The following ZNF385D variants were observed in gnomAD, a reference collection of about 807,000 sequenced individuals.
The protein encoded by ZNF385D is zinc finger protein 385D.
In ZNF385D, 15 loss-of-function variants were observed where a neutral mutation model predicts 35.8. The ratio of observed to expected loss-of-function variants is 0.42; its 90% CI spans 0.28 to 0.64. ZNF385D has a LOEUF of 0.64. Among genes scored for constraint, ZNF385D ranks in the 30% least tolerant of loss-of-function variants. The probability of loss-of-function intolerance (pLI) is 0.23; values close to 1 mark genes in which losing one functional copy is unlikely to be tolerated. For synonymous variants in ZNF385D, 212 were observed against 186.8 expected (o/e 1.13, Z -1.10); for missense variants, 474 against 494.6 (o/e 0.96, Z 0.39).
intron 3 of ZNF385D, among the ~76,000 whole-genome samples, chr3:22,078,248 G>C (rs1355470059): frequency 6.6e-6 from 1 of 151,944 alleles, no homozygotes; most frequent in African/African-American, 2.4e-5. Context: ...AAATGATTTG[G>C]TTGTTTGGTG....
At chr3:21,831,559 T>G (rs1297834688) in intron 3 of ZNF385D, among the ~76,000 whole-genome samples, 1 of 152,202 alleles carries the variant, frequency 6.6e-6, no homozygotes, top group Non-Finnish European at 1.5e-5. Flanking sequence ...CCATACCACT[T>G]AGCTTCTCAT....
At chr3:21,711,801 T>A (rs140397951) in intron 1 of ZNF385D, among the ~76,000 whole-genome samples, 1 of 152,212 alleles carries the variant, frequency 6.6e-6, no homozygotes, top group Non-Finnish European at 1.5e-5. Context: ...AATTCTGAGA[T>A]ATAGTGAGCT....
chr3:21,420,962 A>G lies in ZNF385D; in HGVS notation c.*252T>C, dbSNP rs1575112995. ...TTCAGAAGGTCTAGATACCACTACA[A>G]ATCAATGCTGGAGATCACTTCTAAA... On this transcript the variant is annotated 3_prime_UTR_variant, in exon 8 of 8. Transcript: ENST00000281523. The G allele has an allele frequency of 2.1e-6, 1 of 471,898 alleles. No individual in the cohort carries two copies. The highest frequency in any genetic ancestry group is 3.8e-5 in the East Asian group (1 of 26,166). 29.2% of individuals were successfully genotyped at this position (471,898 alleles called of 1,614,324 possible).
At chr3:21,530,294 A>G (rs569574930) in intron 3 of ZNF385D, among the ~76,000 whole-genome samples, 16 of 152,340 alleles carry the variant, frequency 1.1e-4, no homozygotes, top group Admixed American at 3.3e-4. Flanking sequence ...ACAGCAATGC[A>G]AAATGGAGTA....
At chr3:22,110,416 A>C (rs1457951259) in intron 3 of ZNF385D, among the ~76,000 whole-genome samples, 1 of 152,142 alleles carries the variant, frequency 6.6e-6, no homozygotes. Context: ...AGACTGGATT[A>C]AGAAAATGTG....
chr3:21,742,582 G>C (rs6790933), intron 1 of ZNF385D, among the ~76,000 whole-genome samples: 73,025 of 151,700 alleles, frequency 0.48, 17,876 homozygotes, highest in Admixed American at 0.6. Flanking sequence ...GCGGCAGAAG[G>C]CAATGGATTG....
chr3:21,827,781 A>G (rs932841927), intron 3 of ZNF385D, among the ~76,000 whole-genome samples: 2 of 152,226 alleles, frequency 1.3e-5, no homozygotes, highest in East Asian at 3.8e-4. Flanking sequence ...AATGTGCGTG[A>G]CATTTGGTTC....
chr3:21,967,259 T>C (rs1702965241), intron 3 of ZNF385D, among the ~76,000 whole-genome samples: 1 of 152,178 alleles, frequency 6.6e-6, no homozygotes, highest in African/African-American at 2.4e-5. Flanking sequence ...TCTTTTCTCG[T>C]CAAATTTCTT....
intron 3 of ZNF385D, among the ~76,000 whole-genome samples, chr3:22,125,744 C>T (rs1334272520): frequency 2.6e-5 from 4 of 152,062 alleles, no homozygotes; most frequent in Admixed American, 1.3e-4. Context: ...TATAGAAATG[C>T]TAATGATTTT....
chr3:21,846,347 A>G (rs946653098), intron 3 of ZNF385D, among the ~76,000 whole-genome samples: 2 of 152,024 alleles, frequency 1.3e-5, no homozygotes, highest in African/African-American at 2.4e-5. Flanking sequence ...TAATTACTCA[A>G]AAGTTCCTTA....
chr3:22,274,248 G>A (rs1701317021), intron 2 of ZNF385D, among the ~76,000 whole-genome samples: 1 of 151,822 alleles, frequency 6.6e-6, no homozygotes, highest in Admixed American at 6.6e-5. Context: ...TACTACTTTT[G>A]TCTACCTAGA....
intron 3 of ZNF385D, among the ~76,000 whole-genome samples, chr3:22,114,383 C>T (rs768691918): frequency 3.9e-5 from 6 of 152,094 alleles, no homozygotes; most frequent in Admixed American, 6.6e-5. Context: ...CTCCCATCTA[C>T]CTATCCATTT....
At position 21,956,687 on chromosome 3, in the gene ZNF385D, C is replaced by T. The variant is rs571088177; in HGVS notation, c.325+212130G>A. 9.9e-5 allele frequency among the ~76,000 whole-genome samples: 15 copies of T among 150,982 alleles called. No homozygotes were observed. In the East Asian group the frequency reaches 2.5e-3, roughly 25 times the overall value. ...ATGGTAAAAAGTGATAAATGATTTT[C>T]GTCATTGGAGTAAGTGTTATGGCTA... is the stretch of plus-strand genomic sequence containing the variant. On this transcript the variant is annotated intron_variant, in intron 3 of 5. Coordinates refer to the ZNF385D transcript ENST00000494108.
intron 3 of ZNF385D, among the ~76,000 whole-genome samples, chr3:21,911,747 G>A (rs772092863): frequency 3.3e-5 from 5 of 151,892 alleles, no homozygotes; most frequent in South Asian, 2.1e-4. Context: ...TAAAGTGAGA[G>A]AGATATTAGG....
chr3:21,511,834 T>C, intron 3 of ZNF385D: 1 of 455,210 alleles, frequency 2.2e-6, no homozygotes, highest in South Asian at 1.6e-5. Context: ...TTTTTTTTTT[T>C]TGTGGGGGAG....
chr3:22,236,782 T>A (rs1699208162), intron 2 of ZNF385D, among the ~76,000 whole-genome samples: 1 of 152,204 alleles, frequency 6.6e-6, no homozygotes. Flanking sequence ...ATGCTGGGCA[T>A]TTTATATAAA....
chr3:22,048,645 T>C (rs1375317713), intron 3 of ZNF385D, among the ~76,000 whole-genome samples: 1 of 152,208 alleles, frequency 6.6e-6, no homozygotes, highest in Non-Finnish European at 1.5e-5. Context: ...TTGATTATTA[T>C]AGTTTTGCAG....
intron 3 of ZNF385D, among the ~76,000 whole-genome samples, chr3:22,075,980 A>T (rs897308230): frequency 4.6e-5 from 7 of 151,950 alleles, no homozygotes; most frequent in African/African-American, 1.7e-4. Context: ...TGCCCAAAAG[A>T]CAGCAAGTCC....
At position 21,987,302 on chromosome 3, in the gene ZNF385D, G is replaced by A. The variant is rs1224234829; in HGVS notation, c.325+181515C>T. Among the ~76,000 whole-genome samples the A allele has an allele frequency of 1.5e-5, 2 of 135,510 alleles. 1 individual carries two copies. The highest frequency in any genetic ancestry group is 6.5e-5 in the African/African-American group (2 of 30,590). 88.9% of individuals were successfully genotyped at this position (135,510 alleles called of 152,430 possible). On this transcript the variant is annotated intron_variant, in intron 3 of 5. Coordinates refer to the ZNF385D transcript ENST00000494108. ...ATTTTGGCATGATTTTGCAGTGGCTGGTACCGGTTGTTCCTTTCCATGTTT... is the reference window on the plus strand; with the variant it reads ...ATTTTGGCATGATTTTGCAGTGGCTAGTACCGGTTGTTCCTTTCCATGTTT...
Sources: gnomAD v4.1 joint callset for allele counts (sites outside exome capture counted in the v4.1 genomes callset) on GRCh38, gnomAD v4.1.1 for gene constraint, MANE v1.5 for transcripts, NCBI Gene and HGNC (gene_info 2026-07-23, HGNC 2026-07-21) for gene names.